PCSK2: variants seen among roughly 807,000 people sequenced by gnomAD.
The protein encoded by PCSK2 is proprotein convertase subtilisin/kexin type 2, also known as neuroendocrine convertase 2.
PCSK2 carries 14 observed loss-of-function variants against 69.7 expected under a neutral mutation model. The observed-to-expected ratio is 0.20, with a 90% confidence interval of 0.13 to 0.31. The LOEUF is 0.31. Among genes scored for constraint, PCSK2 ranks in the 10% least tolerant of loss-of-function variants. The probability of loss-of-function intolerance (pLI) is 1.00; values close to 1 mark genes in which losing one functional copy is unlikely to be tolerated. For synonymous variants in PCSK2, 307 were observed against 320.7 expected, an observed-to-expected ratio of 0.96 and a Z score of 0.46; for missense variants, 544 against 842.5, an observed-to-expected ratio of 0.65 and a Z score of 4.39.
At chr20:17,341,818 C>G (rs1990517702) in intron 2 of PCSK2, among the ~76,000 whole-genome samples, 1 of 151,818 alleles carries the variant, frequency 6.6e-6, no homozygotes, top group Non-Finnish European at 1.5e-5. Flanking sequence ...AAAAGTCAGA[C>G]TTGTTTACAG....
intron 6 of PCSK2, among the ~76,000 whole-genome samples, chr20:17,418,665 G>A (rs1600564746): frequency 6.6e-6 from 1 of 152,260 alleles, no homozygotes; most frequent in East Asian, 1.9e-4. Context: ...ATAGCCTGGA[G>A]CCTGGCACTT....
At chr20:17,337,159 C>T (rs1423374653) in intron 2 of PCSK2, among the ~76,000 whole-genome samples, 6 of 152,164 alleles carry the variant, frequency 3.9e-5, no homozygotes, top group Admixed American at 3.3e-4. Context: ...TGGAAGGAAA[C>T]CAATGATGGA....
chr20:17,347,955 A>G, intron 2 of PCSK2, among the ~76,000 whole-genome samples: 2 of 53,284 alleles, frequency 3.8e-5, no homozygotes, highest in Admixed American at 4.8e-4. Flanking sequence ...AAAGAAAGAA[A>G]GAAAGAGAAA....
intron 5 of PCSK2, among the ~76,000 whole-genome samples, chr20:17,391,612 G>A (rs1280010808): frequency 6.6e-6 from 1 of 152,150 alleles, no homozygotes; most frequent in Non-Finnish European, 1.5e-5. Flanking sequence ...CAAGACCTGG[G>A]CTAGTGCTGG....
chr20:17,275,915 G>A (rs6044721), intron 2 of PCSK2, among the ~76,000 whole-genome samples: 110,991 of 152,004 alleles, frequency 0.73, 40,615 homozygotes, highest in East Asian at 0.9. Context: ...ATAAGTTTAC[G>A]TTGTTATTTA....
chr20:17,347,873 A>AAGG (rs1990706680), intron 2 of PCSK2, among the ~76,000 whole-genome samples: 1 of 2,826 alleles, frequency 3.5e-4, no homozygotes, highest in Admixed American at 2.1e-3. Context: ...GAGAGAGAAA[A>AAGG]AAGAAAGAAA....
At chr20:17,354,589 A>T (rs2030131567) in intron 2 of PCSK2, among the ~76,000 whole-genome samples, 2 of 152,198 alleles carry the variant, frequency 1.3e-5, no homozygotes, top group African/African-American at 4.8e-5. Context: ...CGGTCATGGT[A>T]ATTTTATTTA....
chr20:17,256,986 G>A (rs987079482), intron 1 of PCSK2, among the ~76,000 whole-genome samples: 1 of 152,108 alleles, frequency 6.6e-6, no homozygotes, highest in African/African-American at 2.4e-5. Flanking sequence ...ATTCCATGGT[G>A]TATATATGCC....
In PCSK2 at chr20:17,450,264, G is replaced by A. The variant is rs895386587; in HGVS notation, c.886-3478G>A. ...AGGATGGTCTCGATCTCCTGACCTC[G>A]TGATCCGCCCACCTCGGCCTCCCAA... On this transcript the variant is annotated intron_variant, in intron 8 of 11. Transcript: ENST00000262545. 3.3e-5 allele frequency among the ~76,000 whole-genome samples: 5 copies of A among 151,814 alleles called. No homozygotes were observed. In the East Asian group the frequency reaches 5.8e-4, roughly 18 times the overall value.
chr20:17,478,401 G>A (rs1422949090), intron 11 of PCSK2, among the ~76,000 whole-genome samples: 3 of 152,096 alleles, frequency 2.0e-5, no homozygotes, highest in Non-Finnish European at 2.9e-5. Context: ...GCAGCTGTTT[G>A]AGTCATATAC....
chr20:17,428,424 G>C (rs551385689), intron 6 of PCSK2, among the ~76,000 whole-genome samples: 5 of 152,172 alleles, frequency 3.3e-5, no homozygotes, highest in African/African-American at 1.2e-4. Flanking sequence ...GTGTGTGTGT[G>C]TATTTTCAAT....
chr20:17,239,474 T>A (rs1002384851), intron 1 of PCSK2, among the ~76,000 whole-genome samples: 3 of 152,098 alleles, frequency 2.0e-5, no homozygotes, highest in African/African-American at 7.2e-5. Context: ...GGGACAGGGA[T>A]CCTTGGAGAG....
intron 6 of PCSK2, among the ~76,000 whole-genome samples, chr20:17,417,251 T>G: frequency 6.6e-6 from 1 of 152,224 alleles, no homozygotes; most frequent in East Asian, 1.9e-4. Flanking sequence ...AAACTTGTTC[T>G]CAAAATTATA....
At chr20:17,411,796 C>T (rs1006142464) in intron 6 of PCSK2, among the ~76,000 whole-genome samples, 2 of 152,206 alleles carry the variant, frequency 1.3e-5, no homozygotes, top group African/African-American at 4.8e-5. Flanking sequence ...AGGTGGGTGC[C>T]CCTCTAGGAC....
chr20:17,244,366 CA>C (rs1986694881), intron 1 of PCSK2, among the ~76,000 whole-genome samples: 1 of 152,144 alleles, frequency 6.6e-6, no homozygotes, highest in South Asian at 2.1e-4. Flanking sequence ...TAAACTTTGT[CA>C]CCAACAATGG....
chr20:17,367,032 G>T (rs1374096444), intron 4 of PCSK2, among the ~76,000 whole-genome samples: 1 of 151,618 alleles, frequency 6.6e-6, no homozygotes, highest in African/African-American at 2.4e-5. Flanking sequence ...ATTTAGATAA[G>T]TTCGTTTGAT....
intron 7 of PCSK2, among the ~76,000 whole-genome samples, chr20:17,430,889 A>G (rs1033879878): frequency 6.6e-6 from 1 of 152,300 alleles, no homozygotes; most frequent in African/African-American, 2.4e-5. Context: ...TGCAAAAGTT[A>G]AAAGAGTTAG....
At chr20:17,368,863 G>T (rs562007311) in intron 4 of PCSK2, among the ~76,000 whole-genome samples, 3 of 152,178 alleles carry the variant, frequency 2.0e-5, no homozygotes, top group Non-Finnish European at 4.4e-5. Flanking sequence ...CTAATCCATT[G>T]CTGTCCATGC....
At chr20:17,258,952 T>C (rs1568572799) in intron 1 of PCSK2, among the ~76,000 whole-genome samples, 1 of 152,054 alleles carries the variant, frequency 6.6e-6, no homozygotes, top group Admixed American at 6.5e-5. Context: ...TTTACTTTGT[T>C]ATCTGTGTTT....
Sources: gnomAD v4.1 joint callset for allele counts (sites outside exome capture counted in the v4.1 genomes callset) on GRCh38, gnomAD v4.1.1 for gene constraint, MANE v1.5 for transcripts, NCBI Gene and HGNC (gene_info 2026-07-23, HGNC 2026-07-21) for gene names.